The following CNTNAP4 variants were observed in gnomAD, a reference collection of about 807,000 sequenced individuals.
CNTNAP4 encodes the protein contactin-associated protein-like 4.
In CNTNAP4, 98 loss-of-function variants were observed where a neutral mutation model predicts 148.4. The ratio of observed to expected loss-of-function variants is 0.66; its 90% CI spans 0.56 to 0.78. The LOEUF (loss-of-function observed/expected upper bound fraction) is 0.78. CNTNAP4 is among the 30% of genes least tolerant of loss of function. The probability of loss-of-function intolerance (pLI) is 0.00; values close to 1 mark genes in which losing one functional copy is unlikely to be tolerated. For missense variants in CNTNAP4, 1,935 were observed against 1,565.6 expected (o/e 1.24, Z -3.98); for synonymous variants, 730 against 565.1 (o/e 1.29, Z -4.14).
intron 15 of CNTNAP4, among the ~76,000 whole-genome samples, chr16:76,516,974 G>T (rs2083276555): frequency 6.6e-6 from 1 of 152,196 alleles, no homozygotes; most frequent in Non-Finnish European, 1.5e-5. Context: ...TGAGGCAGGA[G>T]AATCGCTTCA....
chr16:76,530,911 A>G (rs1358421938), intron 17 of CNTNAP4, among the ~76,000 whole-genome samples: 1 of 152,182 alleles, frequency 6.6e-6, no homozygotes, highest in Non-Finnish European at 1.5e-5. Context: ...AATGCTTGAC[A>G]TATAGAAGAC....
intron 2 of CNTNAP4, among the ~76,000 whole-genome samples, chr16:76,349,575 A>G (rs1010478848): frequency 3.3e-5 from 5 of 152,162 alleles, no homozygotes; most frequent in African/African-American, 1.2e-4. Context: ...ACATTATTAT[A>G]ATTTTATGTC....
intron 2 of CNTNAP4, among the ~76,000 whole-genome samples, chr16:76,346,690 A>G (rs1964929437): frequency 1.3e-5 from 2 of 152,202 alleles, no homozygotes; most frequent in Non-Finnish European, 2.9e-5. Flanking sequence ...AGTTTGAATG[A>G]AATAAACCTA....
intron 21 of CNTNAP4, among the ~76,000 whole-genome samples, chr16:76,543,121 G>A (rs1473901603): frequency 6.6e-6 from 1 of 152,112 alleles, no homozygotes; most frequent in African/African-American, 2.4e-5. Flanking sequence ...CATATATGCT[G>A]AAAAGTGAAA....
chr16:76,525,828 TATATATAACTATATATAATTAC>T (rs1175828562), intron 17 of CNTNAP4, among the ~76,000 whole-genome samples: 3 of 147,748 alleles, frequency 2.0e-5, no homozygotes, highest in African/African-American at 7.4e-5. Context: ...CTATATAGTT[TATATATAACTATATATAATTAC>T]ATATATAACT....
chr16:76,407,819 C>G (rs2078647338), intron 3 of CNTNAP4, among the ~76,000 whole-genome samples: 1 of 152,108 alleles, frequency 6.6e-6, no homozygotes, highest in African/African-American at 2.4e-5. Context: ...AGAGGATTGA[C>G]TTTAATTTTC....
At chr16:76,415,681 A>C (rs1020191401) in intron 3 of CNTNAP4, among the ~76,000 whole-genome samples, 4 of 150,982 alleles carry the variant, frequency 2.6e-5, no homozygotes, top group Admixed American at 1.3e-4. Context: ...TCCATCACCC[A>C]ACAGTTCCTT....
chr16:76,459,503 T>G (rs1250525895), intron 8 of CNTNAP4, among the ~76,000 whole-genome samples: 1 of 152,220 alleles, frequency 6.6e-6, no homozygotes, highest in Non-Finnish European at 1.5e-5. Context: ...TGGCTAAAAT[T>G]TGTGTTAGAC....
chr16:76,534,949 T>A (rs183272090), intron 17 of CNTNAP4, among the ~76,000 whole-genome samples: 2 of 152,174 alleles, frequency 1.3e-5, no homozygotes, highest in Admixed American at 1.3e-4. Flanking sequence ...TTGTTAAGAA[T>A]CTTTCCAAGC....
chr16:76,452,459 T>C (rs762203484), intron 7 of CNTNAP4, 49 bp from the exon 8 acceptor site: 27 of 1,583,614 alleles, frequency 1.7e-5, no homozygotes, highest in Non-Finnish European at 2.2e-5. Context: ...CTGTTACTAA[T>C]GTGATGTGAA....
chr16:76,417,689 A>G (rs139801881), intron 3 of CNTNAP4, among the ~76,000 whole-genome samples: 2 of 151,750 alleles, frequency 1.3e-5, no homozygotes, highest in African/African-American at 4.8e-5. Flanking sequence ...TTCTTCTTTA[A>G]TGATCTTCCT....
chr16:76,546,797 A>G (rs1393600312), intron 21 of CNTNAP4, among the ~76,000 whole-genome samples: 1 of 152,212 alleles, frequency 6.6e-6, no homozygotes, highest in Non-Finnish European at 1.5e-5. Flanking sequence ...GAATCAGAGC[A>G]GAGAAATTTG....
Position 76,499,567 on chromosome 16 carries a change from A to ATTTT in CNTNAP4, c.2365+874_2365+877dup, listed in dbSNP as rs961232533. Among the ~76,000 whole-genome samples, 40 of 151,392 alleles carry ATTTT rather than the reference A, an allele frequency of 2.6e-4. 1 individual carries two copies. In the East Asian group the frequency reaches 5.5e-3, roughly 21 times the overall value. ...TTTTTATTTATTTATTTATTTATTT[A>ATTTT]TTTTAGTATTTATTGATCATTCTTG... On this transcript the variant is annotated intron_variant, in intron 15 of 23. Coordinates refer to ENST00000611870, the MANE Select transcript of CNTNAP4 (RefSeq NM_033401.5).
chr16:76,397,094 A>G (rs140865475), intron 3 of CNTNAP4, among the ~76,000 whole-genome samples: 53 of 152,058 alleles, frequency 3.5e-4, no homozygotes, highest in African/African-American at 1.1e-3. Context: ...TTGGGTAAAC[A>G]TGTGCACAAA....
At chr16:76,524,049 C>T (rs1374741383) in intron 17 of CNTNAP4, among the ~76,000 whole-genome samples, 1 of 152,210 alleles carries the variant, frequency 6.6e-6, no homozygotes, top group African/African-American at 2.4e-5. Flanking sequence ...TTAACCCTCT[C>T]TCACTGGAAA....
intron 17 of CNTNAP4, among the ~76,000 whole-genome samples, chr16:76,529,596 T>C (rs563834867): frequency 1.4e-3 from 212 of 152,334 alleles, no homozygotes; most frequent in Non-Finnish European, 2.2e-3. Context: ...TTGTTTCCAG[T>C]CTCAATTCTT....
At chr16:76,325,253 AAATT>A (rs1179567843) in intron 2 of CNTNAP4, among the ~76,000 whole-genome samples, 1 of 152,234 alleles carries the variant, frequency 6.6e-6, no homozygotes, top group Non-Finnish European at 1.5e-5. Flanking sequence ...TTTGAACAAA[AAATT>A]AAAATATGTA....
chr16:76,304,776 T>A (rs1960309989), intron 1 of CNTNAP4, among the ~76,000 whole-genome samples: 1 of 152,136 alleles, frequency 6.6e-6, no homozygotes. Flanking sequence ...AAATTAATTG[T>A]TTGGTTCTGC....
chr16:76,357,232 T>A (rs1182359734), intron 3 of CNTNAP4, among the ~76,000 whole-genome samples: 2 of 152,240 alleles, frequency 1.3e-5, no homozygotes, highest in Non-Finnish European at 2.9e-5. Context: ...CTTCTGCTCT[T>A]TTTTGAATTA....
Sources: gnomAD v4.1 joint callset for allele counts (sites outside exome capture counted in the v4.1 genomes callset) on GRCh38, gnomAD v4.1.1 for gene constraint, MANE v1.5 for transcripts, NCBI Gene and HGNC (gene_info 2026-07-23, HGNC 2026-07-21) for gene names.